STXBP6: variants seen among roughly 807,000 people sequenced by gnomAD.
The protein encoded by STXBP6 is syntaxin binding protein 6.
A neutral mutation model predicts 26.9 loss-of-function variants in STXBP6; 21 were observed. The observed-to-expected ratio is 0.78, with a 90% CI of 0.55 to 1.12. STXBP6 has a LOEUF of 1.12. Among genes scored for constraint, STXBP6 ranks in the 50% most tolerant of loss-of-function variants. The pLI, the probability that STXBP6 is intolerant of heterozygous loss-of-function variation, is 0.00. For missense variants in STXBP6, 232 were observed against 257.9 expected (o/e 0.90, Z 0.69); for synonymous variants, 97 against 92.6 (o/e 1.05, Z -0.27).
At chr14:24,973,375 CTTCCTTTTTTTTTTTTTT>C (rs1489755981) in intron 2 of STXBP6, among the ~76,000 whole-genome samples, 1 of 135,058 alleles carries the variant, frequency 7.4e-6, no homozygotes, top group African/African-American at 2.9e-5. Flanking sequence ...TAAAAGCTTT[CTTCCTTTTTTTTTTTTTT>C]TTTTTTTTTT....
intron 2 of STXBP6, among the ~76,000 whole-genome samples, chr14:24,884,884 G>T (rs1339441767): frequency 2.6e-5 from 4 of 152,118 alleles, no homozygotes; most frequent in African/African-American, 9.7e-5. Flanking sequence ...GCCTTTATGT[G>T]TAAAGTCACA....
intron 2 of STXBP6, among the ~76,000 whole-genome samples, chr14:24,870,151 T>C (rs1436991881): frequency 6.6e-6 from 1 of 152,158 alleles, no homozygotes; most frequent in Non-Finnish European, 1.5e-5. Flanking sequence ...CATAAAATTA[T>C]TTTGGTACTA....
chr14:24,944,961 G>T (rs1238195948), intron 2 of STXBP6, among the ~76,000 whole-genome samples: 2 of 151,960 alleles, frequency 1.3e-5, no homozygotes, highest in African/African-American at 4.8e-5. Context: ...TGTACTTCCT[G>T]TTGGCAACAT....
chr14:25,036,501 C>A (rs1204065043), intron 1 of STXBP6, among the ~76,000 whole-genome samples: 1 of 152,082 alleles, frequency 6.6e-6, no homozygotes, highest in African/African-American at 2.4e-5. Flanking sequence ...AGAACATTAA[C>A]CCACTGGGTC....
chr14:25,035,403 T>G (rs528999305), intron 1 of STXBP6, among the ~76,000 whole-genome samples: 1 of 152,316 alleles, frequency 6.6e-6, no homozygotes, highest in South Asian at 2.1e-4. Flanking sequence ...CACCATGAAA[T>G]TCAAAGTACA....
intron 1 of STXBP6, among the ~76,000 whole-genome samples, chr14:25,007,128 T>C (rs1362967191): frequency 6.6e-6 from 1 of 152,216 alleles, no homozygotes; most frequent in South Asian, 2.1e-4. Context: ...ATATGCCCCT[T>C]TGGGAAGATA....
intron 4 of STXBP6, among the ~76,000 whole-genome samples, chr14:24,854,712 A>C (rs11623687): frequency 0.18 from 27,151 of 152,072 alleles, 3,106 homozygotes; most frequent in East Asian, 0.31. Flanking sequence ...CTTTCAAAGC[A>C]GGAGTCATTT....
chr14:24,896,177 G>A (rs1314249178), intron 2 of STXBP6, among the ~76,000 whole-genome samples: 3 of 152,128 alleles, frequency 2.0e-5, no homozygotes, highest in African/African-American at 7.2e-5. Context: ...CCACGATCTA[G>A]TGTGGTCCCA....
At chr14:24,971,789 T>A (rs904637163) in intron 2 of STXBP6, among the ~76,000 whole-genome samples, 11 of 152,364 alleles carry the variant, frequency 7.2e-5, no homozygotes, top group Non-Finnish European at 1.5e-4. Flanking sequence ...GTATTTTTTT[T>A]AATCTTTCAC....
chr14:25,038,435 T>C (rs2075589889), intron 1 of STXBP6, among the ~76,000 whole-genome samples: 1 of 152,226 alleles, frequency 6.6e-6, no homozygotes, highest in African/African-American at 2.4e-5. Context: ...AACAGCATTA[T>C]TCATAATACT....
chr14:24,896,586 A>G (rs938290064), intron 2 of STXBP6, among the ~76,000 whole-genome samples: 1 of 152,226 alleles, frequency 6.6e-6, no homozygotes, highest in Admixed American at 6.5e-5. Context: ...CTCATAATTT[A>G]CTAGAGGATA....
At chr14:24,976,145 G>T (rs1011872000) in intron 1 of STXBP6, among the ~76,000 whole-genome samples, 19 of 152,212 alleles carry the variant, frequency 1.2e-4, no homozygotes, top group African/African-American at 4.3e-4. Flanking sequence ...CATGGTCCCA[G>T]TTCTCCAGGA....
chr14:24,851,106 G>A (rs1403084832), intron 4 of STXBP6, among the ~76,000 whole-genome samples: 1 of 152,030 alleles, frequency 6.6e-6, no homozygotes, highest in African/African-American at 2.4e-5. Context: ...AGCAATGTGG[G>A]AGCCATGTGG....
At chr14:25,042,616 A>G (rs1426277507) in intron 1 of STXBP6, among the ~76,000 whole-genome samples, 31 of 152,202 alleles carry the variant, frequency 2.0e-4, no homozygotes, top group Admixed American at 2.0e-3. Context: ...GCTATGTTTC[A>G]CACTCGGCCC....
intron 2 of STXBP6, among the ~76,000 whole-genome samples, chr14:24,931,993 A>AG (rs2072429302): frequency 6.6e-6 from 1 of 152,228 alleles, no homozygotes; most frequent in South Asian, 2.1e-4. Context: ...GCAGCCCATA[A>AG]GGCGATAAAG....
chr14:24,855,187 C>T (rs2069285218), intron 4 of STXBP6, among the ~76,000 whole-genome samples: 1 of 151,988 alleles, frequency 6.6e-6, no homozygotes, highest in African/African-American at 2.4e-5. Flanking sequence ...ACGTGATCTT[C>T]ATTTAACATC....
intron 2 of STXBP6, among the ~76,000 whole-genome samples, chr14:24,956,528 A>T (rs1209204695): frequency 6.6e-6 from 1 of 152,140 alleles, no homozygotes; most frequent in Non-Finnish European, 1.5e-5. Context: ...AACTGCAGGG[A>T]ATTCTAGCTT....
chr14:24,814,529 G>A (rs72681101), intron 5 of STXBP6, among the ~76,000 whole-genome samples: 2,272 of 152,340 alleles, frequency 0.015, 30 homozygotes, highest in Non-Finnish European at 0.025. Flanking sequence ...TGATTATGCT[G>A]CTGTTCAAAC....
chr14:25,044,372 GA>G (rs1476370839), intron 1 of STXBP6, among the ~76,000 whole-genome samples: 1 of 152,054 alleles, frequency 6.6e-6, no homozygotes, highest in Non-Finnish European at 1.5e-5. Context: ...TCTAATGTAG[GA>G]AGCTTCCAAT....
Sources: allele counts gnomAD v4.1 joint callset (sites outside exome capture counted in the v4.1 genomes callset), GRCh38; gene constraint gnomAD v4.1.1; transcripts MANE v1.5; gene names NCBI Gene and HGNC (gene_info 2026-07-23, HGNC 2026-07-21).